Variants in SGCD observed in about 807,000 individuals in gnomAD.
The protein encoded by SGCD is sarcoglycan delta.
In SGCD, 18 loss-of-function variants were observed where a neutral mutation model predicts 36.6. The observed-to-expected ratio is 0.49, with a 90% CI of 0.34 to 0.73. The LOEUF is 0.73. SGCD is among the 30% of genes least tolerant of loss of function. The pLI, the probability that SGCD is intolerant of heterozygous loss-of-function variation, is 0.01. For synonymous variants in SGCD, 133 were observed against 130.6 expected, an observed-to-expected ratio of 1.02 and a Z score of -0.12; for missense variants, 387 against 346.7, an observed-to-expected ratio of 1.12 and a Z score of -0.92.
At chr5:156,558,459 C>T (rs996902788) in intron 4 of SGCD, among the ~76,000 whole-genome samples, 2 of 152,096 alleles carry the variant, frequency 1.3e-5, no homozygotes, top group African/African-American at 4.8e-5. Flanking sequence ...TTTTGCCACA[C>T]TCCTAAATTA....
chr5:156,643,549 G>A (rs557666744), intron 6 of SGCD, among the ~76,000 whole-genome samples: 33 of 152,004 alleles, frequency 2.2e-4, no homozygotes, highest in Middle Eastern at 3.4e-3. Context: ...TAACAGGAGC[G>A]GAAGAAACCT....
At chr5:156,552,231 T>A (rs1162711141) in intron 4 of SGCD, among the ~76,000 whole-genome samples, 4 of 152,156 alleles carry the variant, frequency 2.6e-5, no homozygotes, top group Non-Finnish European at 4.4e-5. Flanking sequence ...AACATCAAGG[T>A]GAGAGCCTAT....
chr5:156,701,623 T>A (rs116538485), intron 7 of SGCD, among the ~76,000 whole-genome samples: 4 of 152,118 alleles, frequency 2.6e-5, no homozygotes. Flanking sequence ...AGAGACTAAG[T>A]GTTTTTAAAG....
chr5:155,833,789 C>T, the SGCD span, among the ~76,000 whole-genome samples: 1 of 152,214 alleles, frequency 6.6e-6, no homozygotes, highest in Non-Finnish European at 1.5e-5. Flanking sequence ...AAGGAACCCA[C>T]ATTTGCTGAG....
intron 3 of SGCD, among the ~76,000 whole-genome samples, chr5:156,494,293 T>C (rs1756077680): frequency 1.3e-5 from 2 of 151,504 alleles, no homozygotes; most frequent in African/African-American, 2.4e-5. Context: ...TAGTAAGTGA[T>C]GGGACCTGGA....
At chr5:156,348,346 C>T (rs74384884) in intron 3 of SGCD, among the ~76,000 whole-genome samples, 10,994 of 152,096 alleles carry the variant, frequency 0.072, 460 homozygotes, top group Middle Eastern at 0.19. Flanking sequence ...TGAGCATATA[C>T]CTAGAAAACT....
intron 1 of SGCD, among the ~76,000 whole-genome samples, chr5:156,071,430 G>T (rs1760558767): frequency 6.6e-6 from 1 of 152,160 alleles, no homozygotes; most frequent in Non-Finnish European, 1.5e-5. Context: ...TTTCCATGTA[G>T]TTGAGCGGTT....
At chr5:155,913,362 G>A (rs1320642980) in intron 1 of SGCD, among the ~76,000 whole-genome samples, 1 of 152,128 alleles carries the variant, frequency 6.6e-6, no homozygotes, top group Non-Finnish European at 1.5e-5. Flanking sequence ...ACTCCAGAGA[G>A]CACAATATGG....
At chr5:156,234,099 G>A (rs143874682) in intron 3 of SGCD, among the ~76,000 whole-genome samples, 135 of 152,206 alleles carry the variant, frequency 8.9e-4, no homozygotes, top group African/African-American at 3.1e-3. Context: ...ATAGGTGTTC[G>A]TTGTTGTTTC....
the SGCD span, among the ~76,000 whole-genome samples, chr5:155,805,920 C>A: frequency 6.6e-6 from 1 of 152,104 alleles, no homozygotes; most frequent in African/African-American, 2.4e-5. Context: ...GGGAAACAAA[C>A]CAAGCTGGGA....
intron 3 of SGCD, among the ~76,000 whole-genome samples, chr5:156,156,523 C>T (rs1411825140): frequency 6.6e-6 from 1 of 151,494 alleles, no homozygotes; most frequent in African/African-American, 2.4e-5. Flanking sequence ...ACTTAGGAGA[C>T]TGAGGCAGGA....
the SGCD span, among the ~76,000 whole-genome samples, chr5:155,753,104 G>A: frequency 1.6e-4 from 24 of 152,066 alleles, no homozygotes; most frequent in Non-Finnish European, 8.8e-5. Context: ...TTGGGAGGCC[G>A]AGGAGGGAAG....
the SGCD span, among the ~76,000 whole-genome samples, chr5:155,783,984 A>C: frequency 4.6e-5 from 7 of 152,198 alleles, no homozygotes; most frequent in African/African-American, 1.7e-4. Context: ...ATGCCATTAC[A>C]TAGCTTAGAT....
chr5:156,519,488 A>G (rs1757317518), intron 4 of SGCD, among the ~76,000 whole-genome samples: 1 of 152,200 alleles, frequency 6.6e-6, no homozygotes, highest in Non-Finnish European at 1.5e-5. Context: ...AAACAATTGA[A>G]AAGGAGGGAT....
intron 3 of SGCD, among the ~76,000 whole-genome samples, chr5:156,251,566 G>A (rs1197773828): frequency 6.6e-6 from 1 of 150,982 alleles, no homozygotes. Flanking sequence ...CCAGGCTGAA[G>A]TGCAGTGGTG....
intron 3 of SGCD, among the ~76,000 whole-genome samples, chr5:156,244,948 T>C (rs190600782): frequency 6.6e-6 from 1 of 152,296 alleles, no homozygotes; most frequent in African/African-American, 2.4e-5. Context: ...AGACATCATA[T>C]CATTGGTAAA....
chr5:156,557,577 T>C (rs1759078814), intron 4 of SGCD, among the ~76,000 whole-genome samples: 1 of 152,316 alleles, frequency 6.6e-6, no homozygotes, highest in Middle Eastern at 3.4e-3. Context: ...GTGATTGCTT[T>C]TAAAATATAG....
intron 1 of SGCD, among the ~76,000 whole-genome samples, chr5:156,087,974 T>A (rs577118601): frequency 4.1e-4 from 62 of 152,328 alleles, no homozygotes; most frequent in African/African-American, 1.5e-3. Context: ...TAGCCAGGTT[T>A]ATACCACAAA....
intron 3 of SGCD, among the ~76,000 whole-genome samples, chr5:156,485,609 T>C (rs1420831411): frequency 6.6e-6 from 1 of 151,928 alleles, no homozygotes; most frequent in African/African-American, 2.4e-5. Context: ...GCTGCAGTGA[T>C]CACGCCATTG....
Sources: allele counts gnomAD v4.1 joint callset (sites outside exome capture counted in the v4.1 genomes callset), GRCh38; gene constraint gnomAD v4.1.1; transcripts MANE v1.5; gene names NCBI Gene and HGNC (gene_info 2026-07-23, HGNC 2026-07-21).